SGCZ: variants seen among roughly 807,000 people sequenced by gnomAD.
SGCZ encodes zeta-sarcoglycan.
In SGCZ, 40 loss-of-function variants were observed where a neutral mutation model predicts 41.3. The ratio of observed to expected loss-of-function variants is 0.97; its 90% confidence interval spans 0.75 to 1.26. The LOEUF (loss-of-function observed/expected upper bound fraction) is 1.26. Ranked by LOEUF, SGCZ falls within the 50% of genes most tolerant of loss-of-function variation. The probability of loss-of-function intolerance (pLI) is 0.00; values close to 1 mark genes in which losing one functional copy is unlikely to be tolerated. For missense variants in SGCZ, 552 were observed against 369.8 expected (o/e 1.49, Z -4.04); for synonymous variants, 206 against 137.5 (o/e 1.50, Z -3.49).
intron 1 of SGCZ, among the ~76,000 whole-genome samples, chr8:14,912,914 A>G (rs1289868164): frequency 6.6e-6 from 1 of 151,784 alleles, no homozygotes; most frequent in Non-Finnish European, 1.5e-5. Context: ...AAAGACTAAC[A>G]CTCCACAGTG....
chr8:15,192,628 T>C (rs989735966), intron 1 of SGCZ, among the ~76,000 whole-genome samples: 4 of 152,124 alleles, frequency 2.6e-5, no homozygotes, highest in Admixed American at 2.0e-4. Context: ...CTGGCATCAA[T>C]GCCAAACTCA....
At chr8:14,595,603 C>G (rs952840619) in intron 1 of SGCZ, among the ~76,000 whole-genome samples, 1 of 152,118 alleles carries the variant, frequency 6.6e-6, no homozygotes, top group South Asian at 2.1e-4. Flanking sequence ...TGAACTAATT[C>G]CCAGTTTGTT....
At chr8:14,560,513 G>C (rs921296273) in intron 1 of SGCZ, among the ~76,000 whole-genome samples, 1 of 152,108 alleles carries the variant, frequency 6.6e-6, no homozygotes, top group Middle Eastern at 3.4e-3. Flanking sequence ...TGGCAAGTAG[G>C]AGACCTTCCC....
intron 4 of SGCZ, among the ~76,000 whole-genome samples, chr8:14,212,377 T>A (rs923004860): frequency 4.0e-5 from 6 of 151,366 alleles, no homozygotes; most frequent in Admixed American, 3.3e-4. Flanking sequence ...TTTTGTTTTC[T>A]CACGTAACAC....
chr8:14,237,833 G>T (rs1473396963), intron 3 of SGCZ, among the ~76,000 whole-genome samples, 154 bp from the exon 4 acceptor site: 3 of 152,206 alleles, frequency 2.0e-5, no homozygotes, highest in Non-Finnish European at 4.4e-5. Flanking sequence ...GGTGGACAAT[G>T]TACAAAACTG....
chr8:14,513,757 C>G (rs1802532064), intron 2 of SGCZ, among the ~76,000 whole-genome samples: 1 of 152,044 alleles, frequency 6.6e-6, no homozygotes, highest in African/African-American at 2.4e-5. Context: ...TCTTGTTTGG[C>G]AACGTATTTT....
chr8:14,547,390 CA>C (rs1442174280), intron 2 of SGCZ, among the ~76,000 whole-genome samples: 1 of 152,146 alleles, frequency 6.6e-6, no homozygotes, highest in East Asian at 1.9e-4. Flanking sequence ...TGATGGTTGA[CA>C]GCTAAACTGT....
intron 3 of SGCZ, among the ~76,000 whole-genome samples, chr8:14,321,976 T>C (rs1801931045): frequency 2.0e-5 from 3 of 152,140 alleles, no homozygotes; most frequent in South Asian, 4.1e-4. Flanking sequence ...GCTGGCTTTA[T>C]AGAAGTAAAT....
intron 1 of SGCZ, among the ~76,000 whole-genome samples, chr8:14,733,453 C>T (rs1027834274): frequency 1.3e-5 from 2 of 152,288 alleles, no homozygotes; most frequent in South Asian, 2.1e-4. Flanking sequence ...CTTCTTCTTT[C>T]CCGGCATTCA....
At chr8:15,068,000 TGCAAAAG>T (rs1432310865) in intron 1 of SGCZ, among the ~76,000 whole-genome samples, 8 of 152,172 alleles carry the variant, frequency 5.3e-5, no homozygotes, top group South Asian at 2.1e-4. Flanking sequence ...CAGAGTACCA[TGCAAAAG>T]GCCATGGTAC....
intron 2 of SGCZ, among the ~76,000 whole-genome samples, chr8:14,465,685 AT>A (rs1801028573): frequency 6.6e-6 from 1 of 151,500 alleles, no homozygotes; most frequent in Non-Finnish European, 1.5e-5. Flanking sequence ...TGTGGTTGCC[AT>A]GGGGATTATA....
In SGCZ at chr8:14,766,677, G is replaced by A. The variant is rs112102326; in HGVS notation, c.40-211751C>T. On this transcript the variant is annotated intron_variant, in intron 1 of 7. Transcript: ENST00000382080. Reference sequence around the variant, plus strand: ...CCCAGGCTCAAGCGATTCTTTCACCGCAGCCTCCCAAGTAGCTGGGACCAC... The same window carrying A: ...CCCAGGCTCAAGCGATTCTTTCACCACAGCCTCCCAAGTAGCTGGGACCAC... Among the ~76,000 whole-genome samples the A allele has an allele frequency of 4.4e-3, 655 of 149,954 alleles. 3 individuals are homozygous for A. The highest frequency in any genetic ancestry group is 0.015 in the African/African-American group (618 of 40,666).
At chr8:14,608,947 G>T (rs1805841922) in intron 1 of SGCZ, among the ~76,000 whole-genome samples, 1 of 152,086 alleles carries the variant, frequency 6.6e-6, no homozygotes, top group Admixed American at 6.6e-5. Context: ...TGACTCTGGT[G>T]ATAGAAGAAT....
At chr8:14,311,935 T>C (rs1165510123) in intron 3 of SGCZ, among the ~76,000 whole-genome samples, 3 of 152,184 alleles carry the variant, frequency 2.0e-5, no homozygotes, top group Admixed American at 2.0e-4. Flanking sequence ...TTGCACTTTG[T>C]TCTTTGGAAT....
At chr8:14,202,233 A>G (rs1025386085) in intron 4 of SGCZ, among the ~76,000 whole-genome samples, 1 of 152,202 alleles carries the variant, frequency 6.6e-6, no homozygotes, top group Non-Finnish European at 1.5e-5. Flanking sequence ...TTGAAGATGA[A>G]AGACAGTCAC....
At chr8:14,232,992 G>C (rs887509873) in intron 4 of SGCZ, among the ~76,000 whole-genome samples, 1 of 151,968 alleles carries the variant, frequency 6.6e-6, no homozygotes, top group African/African-American at 2.4e-5. Flanking sequence ...ACTTCTTCTT[G>C]TTTATGACAT....
intron 5 of SGCZ, among the ~76,000 whole-genome samples, chr8:14,153,913 TC>T (rs879816673): frequency 1.5e-3 from 174 of 114,412 alleles, no homozygotes; most frequent in Non-Finnish European, 2.4e-3. Context: ...TCTCTCTCTC[TC>T]TCTCTCTCTC....
At chr8:15,091,467 T>C (rs1040953791) in intron 1 of SGCZ, among the ~76,000 whole-genome samples, 1 of 152,244 alleles carries the variant, frequency 6.6e-6, no homozygotes, top group African/African-American at 2.4e-5. Flanking sequence ...TTCAATGCCA[T>C]GTAAGATTTT....
chr8:14,985,586 T>C (rs1279839970), intron 1 of SGCZ, among the ~76,000 whole-genome samples: 3 of 152,192 alleles, frequency 2.0e-5, no homozygotes, highest in Non-Finnish European at 4.4e-5. Flanking sequence ...ATGCAGGATG[T>C]GTGCTTAATA....
Sources: gnomAD v4.1 joint callset for allele counts (sites outside exome capture counted in the v4.1 genomes callset) on GRCh38, gnomAD v4.1.1 for gene constraint, MANE v1.5 for transcripts, NCBI Gene and HGNC (gene_info 2026-07-23, HGNC 2026-07-21) for gene names.